DOP1B: variants seen among roughly 807,000 people sequenced by gnomAD.
DOP1B encodes the protein protein DOP1B.
Under a neutral mutation model 233.5 loss-of-function variants are expected in DOP1B, and 174 were observed. The ratio of observed to expected loss-of-function variants is 0.75; its 90% CI spans 0.66 to 0.85. The LOEUF (loss-of-function observed/expected upper bound fraction) is 0.85, where lower values mean the gene tolerates loss of function less well. DOP1B is among the 40% of genes least tolerant of loss of function. The pLI, the probability that DOP1B is intolerant of heterozygous loss-of-function variation, is 0.00. For synonymous variants in DOP1B, 1,190 were observed against 1,185.6 expected, an observed-to-expected ratio of 1.00 and a Z score of -0.08; for missense variants, 2,652 against 2,846.6, an observed-to-expected ratio of 0.93 and a Z score of 1.56.
intron 9 of DOP1B, 144 bp downstream of exon 9, chr21:36,214,700 A>G (rs777092123): frequency 7.6e-6 from 6 of 792,490 alleles, no homozygotes; most frequent in Admixed American, 2.8e-5. Flanking sequence ...GTCATGTTAT[A>G]TGGTTCAATG....
At position 36,192,837 on chromosome 21, in the gene DOP1B, G is replaced by A. The variant is rs938690149; in HGVS notation, c.139-6233G>A. ...CGAGTAGCTGGGACTACAGGCGCCC[G>A]CCACCACGCCCGGCTAATTTTTTGT... On this transcript the variant is annotated intron_variant, in intron 2 of 36. Transcript: ENST00000691173. 3.3e-5 allele frequency among the ~76,000 whole-genome samples: 5 copies of A among 150,944 alleles called. No individual in the cohort carries two copies. In the East Asian group the frequency reaches 5.8e-4, roughly 18 times the overall value.
chr21:36,209,164 G>A (rs1316091181), intron 5 of DOP1B, among the ~76,000 whole-genome samples: 1 of 152,128 alleles, frequency 6.6e-6, no homozygotes, highest in Non-Finnish European at 1.5e-5. Flanking sequence ...CTCTGTCGCC[G>A]AGGCTGGGGT....
At chr21:36,171,541 G>T (rs754769734) in intron 2 of DOP1B, among the ~76,000 whole-genome samples, 13 of 152,146 alleles carry the variant, frequency 8.5e-5, no homozygotes, top group Non-Finnish European at 4.4e-5. Flanking sequence ...GGGAAATGTA[G>T]ACACAGACAT....
chr21:36,181,282 C>CTT (rs746169081), intron 2 of DOP1B, among the ~76,000 whole-genome samples: 12 of 144,018 alleles, frequency 8.3e-5, no homozygotes, highest in African/African-American at 1.0e-4. Context: ...ACTCTGTCTT[C>CTT]TTTTTTTTTT....
intron 23 of DOP1B, among the ~76,000 whole-genome samples, chr21:36,258,415 C>CTT (rs111603353): frequency 0.092 from 13,610 of 147,740 alleles, 887 homozygotes; most frequent in East Asian, 0.32. Context: ...AAAAGAAAGA[C>CTT]TTTTTTTTTT....
rs1223755186 is a variant in DOP1B at position 36,231,671 on chromosome 21, G to GTTT, written c.2350+542_2350+544dup. ...GTTGATAAAGTTTTTTTTGTGTTGG[G>GTTT]TTTTTTTGTTTTTTTTTTTTTTTTG... On this transcript the variant is annotated intron_variant, in intron 14 of 36. Coordinates refer to ENST00000691173, the MANE Select transcript of DOP1B (RefSeq NM_001320714.2). Among the ~76,000 whole-genome samples, 33 of 146,502 alleles carry GTTT rather than the reference G, an allele frequency of 2.3e-4. 1 individual carries two copies. The highest frequency in any genetic ancestry group is 6.9e-4 in the African/African-American group (27 of 38,878).
At chr21:36,229,327 GTC>G (rs2066731352) in intron 13 of DOP1B, among the ~76,000 whole-genome samples, 1 of 152,194 alleles carries the variant, frequency 6.6e-6, no homozygotes, top group Admixed American at 6.5e-5. Context: ...GGGAAAAAGA[GTC>G]TGTCTCATGC....
chr21:36,175,369 C>T (rs984396205), intron 2 of DOP1B, among the ~76,000 whole-genome samples: 1 of 151,662 alleles, frequency 6.6e-6, no homozygotes, highest in Admixed American at 6.6e-5. Context: ...CCTCGGCCTC[C>T]CAAAGTGCTG....
intron 23 of DOP1B, 30 bp from the exon 24 acceptor site, chr21:36,260,647 C>T (rs901461246): frequency 6.8e-6 from 11 of 1,612,836 alleles, no homozygotes; most frequent in South Asian, 4.4e-5. Flanking sequence ...CCCACCAACT[C>T]GGAGTAATTG....
At chr21:36,225,492 A>G (rs920549596) in intron 11 of DOP1B, 73 bp from the exon 12 acceptor site, 2 of 1,552,618 alleles carry the variant, frequency 1.3e-6, no homozygotes, top group Non-Finnish European at 1.8e-6. Context: ...CGGCCTCCCA[A>G]AGTGTTAAGA....
intron 2 of DOP1B, among the ~76,000 whole-genome samples, chr21:36,170,768 C>T (rs959184513): frequency 1.3e-5 from 2 of 148,476 alleles, no homozygotes; most frequent in African/African-American, 2.5e-5. Context: ...CGCTGCAGCA[C>T]GTAGTGCTGA....
Position 36,245,076 on chromosome 21 carries a change from GA to G in DOP1B, c.3100del (p.Thr1034ProfsTer23). On this transcript the variant is annotated frameshift_variant, in exon 19 of 37. Coordinates refer to ENST00000691173, the MANE Select transcript of DOP1B (RefSeq NM_001320714.2). LOFTEE classifies it high-confidence loss of function. The surrounding 1 kb of genome is among the most constrained non-coding windows in gnomAD (Gnocchi z 5.5). ...DDLHRWFNRK[K>X]TSFREACAVP... ...ACTTGCACCGTTGGTTTAACAGGAA[GA>G]AAACCTCTTTCAGAGAGGCATGCGC... 3.8e-6 allele frequency: 6 copies of G among 1,599,772 alleles called. No homozygotes were observed. Among genetic ancestry groups the G allele is most frequent in the Non-Finnish European group, 5.1e-6 (6 of 1,168,322 alleles).
At chr21:36,165,001 T>C in intron 2 of DOP1B, 130 bp downstream of exon 2, 1 of 761,392 alleles carries the variant, frequency 1.3e-6, no homozygotes, top group Non-Finnish European at 1.8e-6. Flanking sequence ...TTATACAGTA[T>C]AATCTTTATA....
intron 27 of DOP1B, among the ~76,000 whole-genome samples, chr21:36,274,694 C>A (rs12482737): frequency 0.41 from 62,837 of 151,506 alleles, 13,110 homozygotes; most frequent in Middle Eastern, 0.52. Flanking sequence ...GGTGGGTGGT[C>A]AGGATGGTGA....
At chr21:36,207,969 G>A (rs912565509) in intron 4 of DOP1B, among the ~76,000 whole-genome samples, 10 of 152,308 alleles carry the variant, frequency 6.6e-5, no homozygotes, top group African/African-American at 2.2e-4. Context: ...GGAAAAACGA[G>A]CCCTGATCCA....
chr21:36,266,454 A>C lies in DOP1B; in HGVS notation c.5487+2640A>C, dbSNP rs989635298. Among the ~76,000 whole-genome samples, 10 of 152,168 alleles carry C rather than the reference A, an allele frequency of 6.6e-5. No homozygotes were observed. In the East Asian group the frequency reaches 1.9e-3, roughly 29 times the overall value. On this transcript the variant is annotated intron_variant, in intron 26 of 36. Coordinates refer to ENST00000691173, the MANE Select transcript of DOP1B (RefSeq NM_001320714.2). ...CTCCCAAAGTGCTGGAATTACAGGC[A>C]TGAGCCACCACACCCGGCTGACCAG...
At chr21:36,284,513 C>A (rs908023212) in intron 32 of DOP1B, among the ~76,000 whole-genome samples, 1 of 151,974 alleles carries the variant, frequency 6.6e-6, no homozygotes, top group Non-Finnish European at 1.5e-5. Flanking sequence ...CCGTGATCCA[C>A]CTGCCTCGGC....
At chr21:36,215,622 C>A (rs1370290482) in intron 9 of DOP1B, among the ~76,000 whole-genome samples, 2 of 151,534 alleles carry the variant, frequency 1.3e-5, no homozygotes, top group Non-Finnish European at 2.9e-5. Flanking sequence ...CTAAGCTGGT[C>A]TCAAACTCCT....
chr21:36,284,272 T>C (rs1414689806), intron 32 of DOP1B, among the ~76,000 whole-genome samples: 4 of 125,574 alleles, frequency 3.2e-5, no homozygotes, highest in Non-Finnish European at 5.0e-5. Flanking sequence ...TTTCTTTTTT[T>C]TTTTTTTTTT....
Sources: gnomAD v4.1 joint callset for allele counts (sites outside exome capture counted in the v4.1 genomes callset) on GRCh38, gnomAD v4.1.1 for gene constraint, Gnocchi (gnomAD v3.1) non-coding constraint, MANE v1.5 for transcripts, NCBI Gene and HGNC (gene_info 2026-07-23, HGNC 2026-07-21) for gene names.